The following RORB variants were observed in gnomAD, a reference collection of about 807,000 sequenced individuals.
RORB encodes the protein nuclear receptor ROR-beta.
In RORB, 6 loss-of-function variants were observed where a neutral mutation model predicts 59.1. The ratio of observed to expected loss-of-function variants is 0.10; its 90% confidence interval spans 0.06 to 0.20. RORB has a LOEUF of 0.20. Ranked by LOEUF, RORB falls within the 10% of genes least tolerant of loss-of-function variation. The probability of loss-of-function intolerance (pLI) is 1.00; values close to 1 mark genes in which losing one functional copy is unlikely to be tolerated. For missense variants in RORB, 320 were observed against 560.5 expected, an observed-to-expected ratio of 0.57 and a Z score of 4.33; for synonymous variants, 215 against 204.5, an observed-to-expected ratio of 1.05 and a Z score of -0.44.
At position 74,574,919 on chromosome 9, in the gene RORB, C is replaced by T. The variant is rs114951854; in HGVS notation, c.8-55363C>T. Reference sequence around the variant, plus strand: ...TATCGTCAGTCCCAATCACACTGCTCAGTGGTAAGCTAAGCGTATATGGGA... The same window carrying T: ...TATCGTCAGTCCCAATCACACTGCTTAGTGGTAAGCTAAGCGTATATGGGA... On this transcript the variant is annotated intron_variant, in intron 1 of 9. Transcript: ENST00000376896. 6.7e-3 allele frequency among the ~76,000 whole-genome samples: 1,020 copies of T among 152,226 alleles called. 10 individuals are homozygous for T. Among genetic ancestry groups the T allele is most frequent in the African/African-American group, 0.023 (958 of 41,546 alleles).
intron 1 of RORB, among the ~76,000 whole-genome samples, chr9:74,513,539 G>A (rs1825969389): frequency 6.6e-6 from 1 of 151,952 alleles, no homozygotes; most frequent in South Asian, 2.1e-4. Flanking sequence ...TTTTAACTCA[G>A]AACCTGTGTT....
chr9:74,507,692 T>C (rs1302243442), intron 1 of RORB, among the ~76,000 whole-genome samples: 1 of 152,062 alleles, frequency 6.6e-6, no homozygotes, highest in Non-Finnish European at 1.5e-5. Flanking sequence ...AACTTAGACA[T>C]ACTGAGTTTC....
At chr9:74,538,136 T>C (rs1263918727) in intron 1 of RORB, among the ~76,000 whole-genome samples, 2 of 152,160 alleles carry the variant, frequency 1.3e-5, no homozygotes. Flanking sequence ...TTCAGTCACA[T>C]GCTATACATG....
At chr9:74,679,329 A>T (rs1472991587) in intron 9 of RORB, among the ~76,000 whole-genome samples, 1 of 152,222 alleles carries the variant, frequency 6.6e-6, no homozygotes, top group South Asian at 2.1e-4. Flanking sequence ...CCCAAGTCAT[A>T]AGTATGTACT....
rs1439218583 is a variant in RORB at position 74,652,584 on chromosome 9, A to AT, written c.638-8028dup. On this transcript the variant is annotated intron_variant, in intron 4 of 9. Transcript: ENST00000376896. The stretch of plus-strand genomic sequence containing the variant: ...AATTGTGTTTTATTATATTTTTATT[A>AT]TTTTTAAAAGTTAGCATAGTATCTT... 2.6e-5 allele frequency among the ~76,000 whole-genome samples: 4 copies of AT among 152,084 alleles called. No individual in the cohort carries two copies. In the East Asian group the frequency reaches 7.7e-4, roughly 29 times the overall value.
At chr9:74,625,292 A>G (rs1347975312) in intron 1 of RORB, among the ~76,000 whole-genome samples, 2 of 152,114 alleles carry the variant, frequency 1.3e-5, no homozygotes, top group Non-Finnish European at 2.9e-5. Flanking sequence ...ATCCCCCACA[A>G]TCTCTGGTTC....
intron 1 of RORB, among the ~76,000 whole-genome samples, chr9:74,579,567 T>C (rs911585643): frequency 3.2e-4 from 49 of 152,104 alleles, no homozygotes; most frequent in African/African-American, 1.1e-3. Flanking sequence ...GATTAAAATA[T>C]TGATGGTTAA....
At position 74,581,275 on chromosome 9, in the gene RORB, A is replaced by G. The variant is rs578152409; in HGVS notation, c.8-49007A>G. ...TGCACCTATGACATATAAAACAGAT[A>G]GTGGTAAAAGGTTAGGAAAAGATCT... On this transcript the variant is annotated intron_variant, in intron 1 of 9. Transcript: ENST00000376896. 3.9e-5 allele frequency among the ~76,000 whole-genome samples: 6 copies of G among 152,154 alleles called. No homozygotes were observed. In the South Asian group the frequency reaches 1.2e-3, roughly 32 times the overall value.
intron 1 of RORB, among the ~76,000 whole-genome samples, chr9:74,613,401 A>G (rs1159054510): frequency 1.3e-5 from 2 of 152,178 alleles, no homozygotes; most frequent in African/African-American, 4.8e-5. Context: ...GCTTATGACT[A>G]TAGGTTCCCA....
At chr9:74,646,905 A>G (rs916021143) in intron 4 of RORB, among the ~76,000 whole-genome samples, 1 of 152,094 alleles carries the variant, frequency 6.6e-6, no homozygotes, top group African/African-American at 2.4e-5. Flanking sequence ...GGTGAGGGAG[A>G]CGGCAAGTAT....
At chr9:74,570,733 G>GTA (rs1290160571) in intron 1 of RORB, among the ~76,000 whole-genome samples, 3 of 151,776 alleles carry the variant, frequency 2.0e-5, no homozygotes, top group African/African-American at 7.3e-5. Flanking sequence ...GCACACACGT[G>GTA]TGTGTGTATG....
At chr9:74,500,001 G>C (rs576314732) in intron 1 of RORB, among the ~76,000 whole-genome samples, 5 of 152,302 alleles carry the variant, frequency 3.3e-5, no homozygotes, top group African/African-American at 1.2e-4. Flanking sequence ...GCAGATGACT[G>C]TCCTGGTTCG....
Position 74,685,552 on chromosome 9 carries a change from G to A in RORB, c.1314G>A (p.Val438=). 6.2e-7 allele frequency: 1 copy of A among 1,613,190 alleles called. No homozygotes were observed. The highest frequency in any genetic ancestry group is 1.1e-5 in the South Asian group (1 of 91,008). ...TTAAGCAATCTCATCCAGAGATAGT[G>A]AATACACTGTTTCCTCCGTTATACA... ...QVFKQSHPEI[V]NTLFPPLYKE... Residue 438 remains valine (V), a synonymous_variant, in exon 10 of 10, where the codon GTG becomes GTA. Transcript: ENST00000376896.
At chr9:74,610,426 A>G (rs947240175) in intron 1 of RORB, among the ~76,000 whole-genome samples, 5 of 152,242 alleles carry the variant, frequency 3.3e-5, no homozygotes, top group Non-Finnish European at 7.3e-5. Flanking sequence ...CTAAAATAGT[A>G]TCCTAGTAAT....
chr9:74,667,416 A>C (rs910926376), intron 7 of RORB, among the ~76,000 whole-genome samples: 3 of 152,234 alleles, frequency 2.0e-5, no homozygotes. Flanking sequence ...TAGGTTTTCT[A>C]TGAATACTAT....
intron 1 of RORB, among the ~76,000 whole-genome samples, chr9:74,518,200 A>G (rs1270082474): frequency 7.2e-5 from 11 of 151,972 alleles, no homozygotes; most frequent in Admixed American, 7.2e-4. Flanking sequence ...TGGTCTAGGG[A>G]AATGCACTAA....
At chr9:74,685,331 CCTTCTTT>C (rs1824622884) in intron 9 of RORB, 125 bp from the exon 10 acceptor site, 1 of 716,662 alleles carries the variant, frequency 1.4e-6, no homozygotes. Context: ...TGAAAGTGCG[CCTTCTTT>C]CTTTCTGAAC....
At chr9:74,649,260 C>A (rs2118481110) in intron 4 of RORB, among the ~76,000 whole-genome samples, 1 of 152,220 alleles carries the variant, frequency 6.6e-6, no homozygotes, top group South Asian at 2.1e-4. Flanking sequence ...AGAAGATATT[C>A]TTGACTACTG....
rs1824762809 is a variant in RORB, at chr9:74,692,559, G to A, written c.*6941G>A. 1 of 152,118 alleles carries A rather than the reference G, an allele frequency of 6.6e-6. No homozygotes were observed. Among genetic ancestry groups the A allele is most frequent in the Non-Finnish European group, 1.5e-5 (1 of 68,018 alleles). The allele number at this position is 152,118 out of a possible 1,614,324, so 9.4% of individuals were successfully genotyped here. A position where few individuals can be genotyped will look rare whatever the true frequency, so the allele number is the denominator to read the frequency against. On this transcript the variant is annotated 3_prime_UTR_variant, in exon 10 of 10. Transcript: ENST00000376896. Reference sequence around the variant, plus strand: ...GTGCCCACTAACCTACTGCGCCTGGGGGGCAGCATGGGAGGGGTACAGTTT... The same window carrying A: ...GTGCCCACTAACCTACTGCGCCTGGAGGGCAGCATGGGAGGGGTACAGTTT...
Sources: allele counts gnomAD v4.1 joint callset (sites outside exome capture counted in the v4.1 genomes callset), GRCh38; gene constraint gnomAD v4.1.1; transcripts MANE v1.5; gene names NCBI Gene and HGNC (gene_info 2026-07-23, HGNC 2026-07-21).